SF3B1: variants seen among roughly 807,000 people sequenced by gnomAD.
The protein encoded by SF3B1 is pre-mRNA processing 10.
A neutral mutation model predicts 153.8 loss-of-function variants in SF3B1; 12 were observed. The observed-to-expected ratio is 0.08, with a 90% CI of 0.05 to 0.13. SF3B1 has a LOEUF of 0.13. Among genes scored for constraint, SF3B1 ranks in the 10% least tolerant of loss-of-function variants. SF3B1 has a pLI of 1.00. For missense variants in SF3B1, 513 were observed against 1,606.1 expected, an observed-to-expected ratio of 0.32 and a Z score of 11.63; for synonymous variants, 498 against 525.2, an observed-to-expected ratio of 0.95 and a Z score of 0.71.
Position 197,402,464 on chromosome 2 carries a change from G to A in SF3B1, c.2077+92C>T, listed in dbSNP as rs2105986156. 8.8e-6 allele frequency: 10 copies of A among 1,131,044 alleles called. No homozygotes were observed. Among genetic ancestry groups the A allele is most frequent in the Non-Finnish European group, 1.2e-5 (10 of 801,036 alleles). 70.1% of individuals were successfully genotyped at this position (1,131,044 alleles called of 1,614,324 possible). On this transcript the variant is annotated intron_variant, in intron 14 of 24. Coordinates refer to ENST00000335508, the MANE Select transcript of SF3B1 (RefSeq NM_012433.4). This position sits in a 1 kb window ranked among gnomAD's most constrained non-coding sequence, Gnocchi z 4.6. ...AGGAGGCTGAGCAGGAGGATCACTT[G>A]AGCCCAAAGGTTTGAGTCCAGTCTG...
chr2:197,419,084 AAAC>A (rs538200330), intron 4 of SF3B1: 2 of 650,910 alleles, frequency 3.1e-6, no homozygotes, highest in Non-Finnish European at 5.3e-6. Context: ...CAGTGTTCTA[AAAC>A]AATTGTAGTT....
intron 2 of SF3B1, among the ~76,000 whole-genome samples, chr2:197,421,958 C>G (rs1472916888): frequency 1.3e-5 from 2 of 151,920 alleles, no homozygotes; most frequent in Non-Finnish European, 2.9e-5. Flanking sequence ...TTGGTCTGGG[C>G]AACAGAGCAA....
chr2:197,411,667 G>A (rs113121633), intron 6 of SF3B1, among the ~76,000 whole-genome samples: 1,897 of 149,544 alleles, frequency 0.013, 41 homozygotes, highest in African/African-American at 0.045. Flanking sequence ...GTGAGACCCC[G>A]TCTCAAAAAA....
At chr2:197,434,898 G>T in intron 1 of SF3B1, 74 bp downstream of exon 1, 1 of 1,496,632 alleles carries the variant, frequency 6.7e-7, no homozygotes, top group South Asian at 1.1e-5. Flanking sequence ...ATAGAAAAAG[G>T]CAGAATCCTA....
At chr2:197,433,258 C>A (rs745418963) in intron 1 of SF3B1, among the ~76,000 whole-genome samples, 1 of 152,234 alleles carries the variant, frequency 6.6e-6, no homozygotes, top group African/African-American at 2.4e-5. Context: ...TATGGTATCA[C>A]TTAATTCACA....
At chr2:197,405,025 T>A (rs772242054) in intron 11 of SF3B1, 51 bp downstream of exon 11, 115 of 1,281,218 alleles carry the variant, frequency 9.0e-5, no homozygotes, top group African/African-American at 1.5e-4. Context: ...AAATTTTTTT[T>A]AATTAAATAA....
In SF3B1 at chr2:197,400,584, T is replaced by C; in HGVS notation, c.2718+131A>G. ...AAAACTTGAGGTAGAATAATATCGT[T>C]TGGTAACCCCCTGAGCATTTTAAAA... On this transcript the variant is annotated intron_variant, in intron 18 of 24. Transcript: ENST00000335508. The surrounding 1 kb of genome is among the most constrained non-coding windows in gnomAD (Gnocchi z 5.0). 2.0e-6 allele frequency: 2 copies of C among 1,002,518 alleles called. No homozygotes were observed. Among genetic ancestry groups the C allele is most frequent in the Admixed American group, 5.5e-5 (2 of 36,080 alleles). 62.1% of individuals were successfully genotyped at this position (1,002,518 alleles called of 1,614,324 possible). A position where few individuals can be genotyped will look rare whatever the true frequency, so the allele number is the denominator to read the frequency against.
intron 9 of SF3B1, among the ~76,000 whole-genome samples, chr2:197,405,726 A>G (rs1425354913): frequency 6.6e-6 from 1 of 152,208 alleles, no homozygotes; most frequent in Admixed American, 6.5e-5. Context: ...ATCACATTCA[A>G]ACATGTTGTG....
At position 197,389,876 on chromosome 2, in the gene SF3B1, A is replaced by C. The variant is rs2084791557; in HGVS notation, c.*2427T>G. On this transcript the variant is annotated 3_prime_UTR_variant, in exon 25 of 25. Coordinates refer to ENST00000335508, the MANE Select transcript of SF3B1 (RefSeq NM_012433.4). ...TAAAAATACAATATGAAAAAAATCA[A>C]ACAGCCAGAGATCAATTCCATTAGA... 1 of 152,220 alleles carries C rather than the reference A, an allele frequency of 6.6e-6. No homozygotes were observed. The highest frequency in any genetic ancestry group is 2.4e-5 in the African/African-American group (1 of 41,458). The allele number at this position is 152,220 out of a possible 1,614,324, so 9.4% of individuals were successfully genotyped here.
intron 3 of SF3B1, 142 bp downstream of exon 3, chr2:197,420,887 A>G (rs902023686): frequency 7.8e-5 from 47 of 599,314 alleles, no homozygotes; most frequent in Non-Finnish European, 1.3e-4. Context: ...TTGTGTCAAA[A>G]AGAAAAAGAT....
chr2:197,396,901 A>G (rs918666715), intron 22 of SF3B1, among the ~76,000 whole-genome samples: 1 of 152,204 alleles, frequency 6.6e-6, no homozygotes, highest in Non-Finnish European at 1.5e-5. Flanking sequence ...CCACTGAAAT[A>G]AATATTATGC....
intron 24 of SF3B1, among the ~76,000 whole-genome samples, 196 bp downstream of exon 24, chr2:197,392,776 G>A (rs961003435): frequency 6.6e-6 from 1 of 152,054 alleles, no homozygotes; most frequent in African/African-American, 2.4e-5. Flanking sequence ...GGGGGAAAGG[G>A]GAGGGAGAGC....
rs2105987678 is a variant in SF3B1, at chr2:197,402,863, G to A, written c.1807-37C>T. 2 of 1,611,824 alleles carry A rather than the reference G, an allele frequency of 1.2e-6. No homozygotes were observed. The highest frequency in any genetic ancestry group is 1.7e-6 in the Non-Finnish European group (2 of 1,178,588). On this transcript the variant is annotated intron_variant, in intron 13 of 24. Coordinates refer to ENST00000335508, the MANE Select transcript of SF3B1 (RefSeq NM_012433.4). This position sits in a 1 kb window ranked among gnomAD's most constrained non-coding sequence, Gnocchi z 4.6. ...ACAAAGAAAGGACAGTCATGAGTTG[G>A]TAATATTAATCTTCAACCATTTCTT...
chr2:197,424,981 G>A (rs567498749), intron 1 of SF3B1, among the ~76,000 whole-genome samples: 5 of 151,908 alleles, frequency 3.3e-5, no homozygotes, highest in African/African-American at 1.2e-4. Flanking sequence ...CCAAGATGGT[G>A]AAACCTCCTC....
At chr2:197,415,811 GTTTTT>G (rs531295653) in intron 6 of SF3B1, among the ~76,000 whole-genome samples, 114 of 151,878 alleles carry the variant, frequency 7.5e-4, no homozygotes, top group African/African-American at 2.1e-3. Context: ...CCATCGTTTT[GTTTTT>G]TTGAGACAGG....
chr2:197,404,337 T>C (rs1417659436), intron 11 of SF3B1, among the ~76,000 whole-genome samples: 1 of 152,186 alleles, frequency 6.6e-6, no homozygotes, highest in Non-Finnish European at 1.5e-5. Flanking sequence ...CCCAGCACTT[T>C]GGGAGACCGA....
rs1451056765 is a variant in SF3B1 at position 197,416,609 on chromosome 2, G to A, written c.666+132C>T. On this transcript the variant is annotated intron_variant, in intron 6 of 24. Transcript: ENST00000335508. ...TTGGATTTCAAGCCTCCAGAACTGCGAAAAAAATCAATGTCTGTTGTTTAA... is the reference window on the plus strand; with the variant it reads ...TTGGATTTCAAGCCTCCAGAACTGCAAAAAAAATCAATGTCTGTTGTTTAA... The A allele has an allele frequency of 1.3e-5, 10 of 759,360 alleles. No individual in the cohort carries two copies. In the Admixed American group the frequency reaches 1.4e-4, roughly 11 times the overall value. The allele number at this position is 759,360 out of a possible 1,614,324, so 47.0% of individuals were successfully genotyped here. A position where few individuals can be genotyped will look rare whatever the true frequency, so the allele number is the denominator to read the frequency against.
chr2:197,434,946 C>T (rs1311705299), intron 1 of SF3B1, 26 bp downstream of exon 1: 2 of 1,610,074 alleles, frequency 1.2e-6, no homozygotes, highest in African/African-American at 2.7e-5. Flanking sequence ...ACGAAGAAAA[C>T]ACGTAAGCAG....
At chr2:197,405,524 T>A (rs1209581706) in intron 9 of SF3B1, 52 bp from the exon 10 acceptor site, 6 of 1,241,702 alleles carry the variant, frequency 4.8e-6, no homozygotes, top group African/African-American at 1.5e-5. Flanking sequence ...AAAAACAGCA[T>A]AATGAACAAT....
Sources: gnomAD v4.1 joint callset for allele counts (sites outside exome capture counted in the v4.1 genomes callset) on GRCh38, gnomAD v4.1.1 for gene constraint, Gnocchi (gnomAD v3.1) non-coding constraint, MANE v1.5 for transcripts, NCBI Gene and HGNC (gene_info 2026-07-23, HGNC 2026-07-21) for gene names.